The following PLEKHG5 variants were observed in gnomAD, a reference collection of about 807,000 sequenced individuals.
PLEKHG5 encodes pleckstrin homology and RhoGEF domain containing G5.
Under a neutral mutation model 103.8 loss-of-function variants are expected in PLEKHG5, and 52 were observed. That is an observed-to-expected ratio of 0.50 (90% confidence interval 0.40 to 0.63). The LOEUF (loss-of-function observed/expected upper bound fraction) is 0.63, where lower values mean the gene tolerates loss of function less well. Among genes scored for constraint, PLEKHG5 ranks in the 30% least tolerant of loss-of-function variants. The pLI is 0.00. For missense variants in PLEKHG5, 1,205 were observed against 1,347.6 expected (o/e 0.89, Z 1.66); for synonymous variants, 592 against 575.5 (o/e 1.03, Z -0.41).
chr1:6,514,501 G>A (rs1254338898), intron 1 of PLEKHG5, among the ~76,000 whole-genome samples: 2 of 151,442 alleles, frequency 1.3e-5, no homozygotes, highest in African/African-American at 2.4e-5. Flanking sequence ...GGTGGCTCAC[G>A]CCTATAATCC....
rs1442236373 is a variant in PLEKHG5, at chr1:6,503,902, CAAGGGGA to C, written c.-164-7340_-164-7334del. Among the ~76,000 whole-genome samples, 1,094 of 152,246 alleles carry C rather than the reference CAAGGGGA, an allele frequency of 7.2e-3. 12 individuals carry two copies. Among genetic ancestry groups the C allele is most frequent in the Middle Eastern group, 0.031 (9 of 294 alleles). ...CTGCATCTGAGCCGTGAGGGCATCCCAAGGGGAGGGACCAGCAGGATGACTGAGATGT... is the reference window on the plus strand; with the variant it reads ...CTGCATCTGAGCCGTGAGGGCATCCCGGGACCAGCAGGATGACTGAGATGT... On this transcript the variant is annotated intron_variant, in intron 1 of 21. Transcript: ENST00000377740.
intron 1 of PLEKHG5, among the ~76,000 whole-genome samples, chr1:6,483,382 T>A (rs1644947918): frequency 6.6e-6 from 1 of 152,154 alleles, no homozygotes; most frequent in Non-Finnish European, 1.5e-5. Context: ...GGGCTTGAAG[T>A]GAGGGTGATG....
chr1:6,512,010 C>T (rs912549446), intron 1 of PLEKHG5, among the ~76,000 whole-genome samples: 1 of 152,212 alleles, frequency 6.6e-6, no homozygotes, highest in South Asian at 2.1e-4. Context: ...ACACTAACAT[C>T]TGCCGGTGTC....
rs759212541 is a variant in PLEKHG5, at chr1:6,468,468, TGA to T, written c.2366_2367del (p.Leu789GlnfsTer12). ...PFSSQSDETS[L>X]STTASSATPT... ...GGCGTGGCAGATGAGGCAGTGGTGCTGAGAGAGGTCTCATCAGACTGGGAGCT... is the reference window on the plus strand; with the variant it reads ...GGCGTGGCAGATGAGGCAGTGGTGCTGAGAGGTCTCATCAGACTGGGAGCT... On this transcript the variant is annotated frameshift_variant, in exon 20 of 21. Transcript: ENST00000377728. LOFTEE classifies it high-confidence loss of function. The T allele has an allele frequency of 2.4e-5, 39 of 1,612,834 alleles. No homozygotes were observed. Among genetic ancestry groups the T allele is most frequent in the Non-Finnish European group, 3.1e-5 (36 of 1,179,924 alleles).
intron 14 of PLEKHG5, 45 bp from the exon 15 acceptor site, chr1:6,470,688 C>T: frequency 6.4e-7 from 1 of 1,553,020 alleles, no homozygotes; most frequent in Admixed American, 1.9e-5. Flanking sequence ...CATGACGGAG[C>T]AGAGAGCCGC....
At chr1:6,516,378 C>CCCT (rs1638610501) in intron 1 of PLEKHG5, among the ~76,000 whole-genome samples, 1 of 152,134 alleles carries the variant, frequency 6.6e-6, no homozygotes, top group South Asian at 2.1e-4. Context: ...GATGAGGAGG[C>CCCT]CAGGCGCAGT....
At chr1:6,515,607 A>G (rs576187185) in intron 1 of PLEKHG5, among the ~76,000 whole-genome samples, 1 of 152,166 alleles carries the variant, frequency 6.6e-6, no homozygotes, top group Non-Finnish European at 1.5e-5. Flanking sequence ...TGGGAGAATC[A>G]TTTGAGGCCA....
At chr1:6,503,984 G>C (rs1410341024) in intron 1 of PLEKHG5, among the ~76,000 whole-genome samples, 2 of 152,218 alleles carry the variant, frequency 1.3e-5, no homozygotes, top group Non-Finnish European at 2.9e-5. Flanking sequence ...CAGACGGCGA[G>C]CAGCCCCACT....
upstream of PLEKHG5, among the ~76,000 whole-genome samples, chr1:6,493,435 A>C (rs761725151): frequency 3.9e-5 from 6 of 152,160 alleles, no homozygotes; most frequent in Non-Finnish European, 5.9e-5. Flanking sequence ...AGGGCTCTTG[A>C]TCAGACAAGC....
intron 1 of PLEKHG5, among the ~76,000 whole-genome samples, chr1:6,502,244 A>G (rs1024876874): frequency 6.6e-6 from 1 of 152,260 alleles, no homozygotes; most frequent in Non-Finnish European, 1.5e-5. Context: ...TTGGAGCGTC[A>G]CTGGAGGCCT....
chr1:6,505,406 C>T lies in PLEKHG5; in HGVS notation c.-164-8837G>A, dbSNP rs1217793814. ...CCGCTGTTTGAAGCTCCCTGTGTGT[C>T]ATCCCCATTAGTGCTCTCAGCCTCC... On this transcript the variant is annotated intron_variant, in intron 1 of 21. Coordinates refer to the PLEKHG5 transcript ENST00000377740. This position sits in a 1 kb window ranked among gnomAD's most constrained non-coding sequence, Gnocchi z 4.2. Among the ~76,000 whole-genome samples the T allele has an allele frequency of 1.3e-5, 2 of 152,150 alleles. No homozygotes were observed. The highest frequency in any genetic ancestry group is 2.9e-5 in the Non-Finnish European group (2 of 68,014).
chr1:6,486,286 C>A lies in PLEKHG5; in HGVS notation c.-88+5351G>T, dbSNP rs1369098000. On this transcript the variant is annotated intron_variant, in intron 1 of 20. Coordinates refer to ENST00000377728, the MANE Select transcript of PLEKHG5 (RefSeq NM_020631.6). The surrounding 1 kb of genome is among the most constrained non-coding windows in gnomAD (Gnocchi z 5.3). ...GTCCTTGGTCCGGCTCTCCATCTAG[C>A]CCCAGGGACACCCCTCTCTGCTCCA... 6.6e-6 allele frequency among the ~76,000 whole-genome samples: 1 copy of A among 152,146 alleles called. No homozygotes were observed. Among genetic ancestry groups the A allele is most frequent in the Non-Finnish European group, 1.5e-5 (1 of 68,006 alleles).
chr1:6,471,691 C>T, intron 11 of PLEKHG5, 54 bp from the exon 12 acceptor site: 1 of 1,576,858 alleles, frequency 6.3e-7, no homozygotes, highest in Non-Finnish European at 8.6e-7. Flanking sequence ...GTTAGCCCCG[C>T]CCCAGGTCCA....
intron 1 of PLEKHG5, among the ~76,000 whole-genome samples, chr1:6,502,443 C>T (rs906442014): frequency 6.6e-6 from 1 of 152,222 alleles, no homozygotes; most frequent in Non-Finnish European, 1.5e-5. Context: ...CCCTACCCAC[C>T]CACACTGCTC....
At chr1:6,485,350 C>A (rs554689677) in intron 1 of PLEKHG5, 2 of 1,429,840 alleles carry the variant, frequency 1.4e-6, no homozygotes, top group African/African-American at 1.5e-5. Context: ...CGGGCACGAC[C>A]CCCGGCCCAG....
chr1:6,516,563 A>G (rs1222233168), intron 1 of PLEKHG5, among the ~76,000 whole-genome samples: 1 of 152,008 alleles, frequency 6.6e-6, no homozygotes, highest in East Asian at 1.9e-4. Flanking sequence ...AGGCTGAGGC[A>G]GGAGAACTGC....
chr1:6,496,847 G>A, upstream of PLEKHG5: 1 of 646,798 alleles, frequency 1.5e-6, no homozygotes, highest in Non-Finnish European at 2.5e-6. Context: ...TAGTCTGGGG[G>A]ACAAGTGGGG....
At chr1:6,482,826 A>T (rs1644936871) in intron 1 of PLEKHG5, among the ~76,000 whole-genome samples, 1 of 152,182 alleles carries the variant, frequency 6.6e-6, no homozygotes, top group South Asian at 2.1e-4. Flanking sequence ...CTCCTGTTTC[A>T]GCCTCCCAAG....
chr1:6,519,529 GTGGCACCCTGC>G (rs1180221050), exon 1 of PLEKHG5: 1 of 1,607,638 alleles, frequency 6.2e-7, no homozygotes, highest in Admixed American at 1.7e-5. Context: ...CTCTGCGGTG[GTGGCACCCTGC>G]CTGGACCTCC....
Sources: gnomAD v4.1 joint callset for allele counts (sites outside exome capture counted in the v4.1 genomes callset) on GRCh38, gnomAD v4.1.1 for gene constraint, Gnocchi (gnomAD v3.1) non-coding constraint, MANE v1.5 for transcripts, NCBI Gene and HGNC (gene_info 2026-07-23, HGNC 2026-07-21) for gene names.